Variants in RRP12 observed in about 807,000 individuals in gnomAD.
RRP12 encodes RRP12-like protein.
Under a neutral mutation model 157.3 loss-of-function variants are expected in RRP12, and 78 were observed. That is an observed-to-expected ratio of 0.50 (90% CI 0.41 to 0.60). The LOEUF (loss-of-function observed/expected upper bound fraction) is 0.60. Ranked by LOEUF, RRP12 falls within the 20% of genes least tolerant of loss-of-function variation. The pLI is 0.00. For missense variants in RRP12, 1,521 were observed against 1,679.9 expected, an observed-to-expected ratio of 0.91 and a Z score of 1.65; for synonymous variants, 726 against 670.9, an observed-to-expected ratio of 1.08 and a Z score of -1.27.
At chr10:97,363,970 C>T in intron 29 of RRP12, 67 bp from the exon 30 acceptor site, 1 of 1,462,300 alleles carries the variant, frequency 6.8e-7, no homozygotes, top group East Asian at 2.3e-5. Flanking sequence ...TTTCCTTCTG[C>T]CCCCTCCTGG....
In RRP12 at chr10:97,400,297, G is replaced by A. The variant is rs1845103521; in HGVS notation, c.369+8C>T. The A allele has an allele frequency of 6.2e-7, 1 of 1,609,948 alleles. No individual in the cohort carries two copies. Among genetic ancestry groups the A allele is most frequent in the East Asian group, 2.2e-5 (1 of 44,848 alleles). On this transcript the variant is annotated splice_region_variant and intron_variant, in intron 2 of 33. Transcript: ENST00000370992. ...CTATCCTATGGCCCTCCCGACCCTC[G>A]CCCCTACCTCCTTGTGGGCAGCCGA...
rs1564746176 is a variant in RRP12, at chr10:97,358,637, CAG to C, written c.3709-20_3709-19del. On this transcript the variant is annotated intron_variant, in intron 32 of 33. Coordinates refer to ENST00000370992, the MANE Select transcript of RRP12 (RefSeq NM_015179.4). ...TTTGCTTTCTGCTTGCCCAGAGAAA[CAG>C]AGTCAGCTAGGAGGGTGGGGTTCCC... 6.2e-7 allele frequency: 1 copy of C among 1,600,834 alleles called. No individual in the cohort carries two copies. The highest frequency in any genetic ancestry group is 8.6e-7 in the Non-Finnish European group (1 of 1,168,328).
At chr10:97,361,496 C>T (rs553247846) in intron 30 of RRP12, among the ~76,000 whole-genome samples, 226 of 152,300 alleles carry the variant, frequency 1.5e-3, no homozygotes, top group Non-Finnish European at 2.8e-3. Flanking sequence ...TCCAGCTACC[C>T]AGGGGATCCA....
Position 97,356,814 on chromosome 10 carries a change from G to C in RRP12, c.*280C>G, listed in dbSNP as rs572801534. 2.2e-5 allele frequency: 8 copies of C among 361,152 alleles called. No individual in the cohort carries two copies. Among genetic ancestry groups the C allele is most frequent in the Non-Finnish European group, 4.0e-5 (8 of 201,576 alleles). The allele number at this position is 361,152 out of a possible 1,614,324, so 22.4% of individuals were successfully genotyped here. ...GCGGAAATGGAGATCATCTGTTCTGGTGCTCATGGCCACTCTGGGCAGAAA... is the reference window on the plus strand; with the variant it reads ...GCGGAAATGGAGATCATCTGTTCTGCTGCTCATGGCCACTCTGGGCAGAAA... On this transcript the variant is annotated 3_prime_UTR_variant, in exon 34 of 34. Coordinates refer to ENST00000370992, the MANE Select transcript of RRP12 (RefSeq NM_015179.4).
At chr10:97,387,050 C>T (rs1272821906) in intron 8 of RRP12, among the ~76,000 whole-genome samples, 1 of 151,826 alleles carries the variant, frequency 6.6e-6, no homozygotes, top group Non-Finnish European at 1.5e-5. Flanking sequence ...GGGATTGGTT[C>T]CAGGACCCCC....
intron 10 of RRP12, 147 bp downstream of exon 10, chr10:97,385,019 G>C (rs1221384545): frequency 2.7e-5 from 11 of 414,178 alleles, no homozygotes; most frequent in Non-Finnish European, 4.5e-5. Context: ...TGGCAGCCTG[G>C]ACACAGGCCC....
At chr10:97,371,268 T>G (rs1589419403) in intron 20 of RRP12, 187 bp from the exon 21 acceptor site, 4 of 642,674 alleles carry the variant, frequency 6.2e-6, no homozygotes, top group Non-Finnish European at 1.1e-5. Flanking sequence ...GGGTTGGGGG[T>G]GTGTGCCGTG....
At chr10:97,377,446 T>A (rs1844340520) in intron 15 of RRP12, among the ~76,000 whole-genome samples, 1 of 152,088 alleles carries the variant, frequency 6.6e-6, no homozygotes. Context: ...GGAGAATCGC[T>A]TGAATCTGGG....
At chr10:97,369,224 G>A (rs1457877686) in intron 25 of RRP12, among the ~76,000 whole-genome samples, 1 of 152,224 alleles carries the variant, frequency 6.6e-6, no homozygotes, top group Non-Finnish European at 1.5e-5. Flanking sequence ...GGGCTCTGGG[G>A]TGAAGAAAGC....
chr10:97,357,320 G>A lies in RRP12; in HGVS notation c.3792-124C>T, dbSNP rs1029524333. The A allele has an allele frequency of 1.3e-5, 8 of 616,348 alleles. No homozygotes were observed. In the African/African-American group the frequency reaches 1.5e-4, roughly 12 times the overall value. The allele number at this position is 616,348 out of a possible 1,614,324, so 38.2% of individuals were successfully genotyped here. A position where few individuals can be genotyped will look rare whatever the true frequency, so the allele number is the denominator to read the frequency against. On this transcript the variant is annotated intron_variant, in intron 33 of 33. Coordinates refer to ENST00000370992, the MANE Select transcript of RRP12 (RefSeq NM_015179.4). ...GAAGGGGGCCTCCAGGTGGTGGCCAGCACATGAACTAGGCAGACCTCACGT... is the reference window on the plus strand; with the variant it reads ...GAAGGGGGCCTCCAGGTGGTGGCCAACACATGAACTAGGCAGACCTCACGT...
chr10:97,372,984 T>G, intron 18 of RRP12, 62 bp downstream of exon 18: 1 of 1,531,038 alleles, frequency 6.5e-7, no homozygotes, highest in African/African-American at 1.4e-5. Context: ...GGTCTCGGCC[T>G]CTCTGACCCT....
chr10:97,369,691 A>G (rs1844088735), intron 24 of RRP12, 109 bp from the exon 25 acceptor site: 2 of 1,202,162 alleles, frequency 1.7e-6, no homozygotes, highest in Admixed American at 4.4e-5. Context: ...TGACATTGAG[A>G]GCCTTTCCGT....
intron 4 of RRP12, among the ~76,000 whole-genome samples, chr10:97,392,723 C>G (rs1328047414): frequency 6.7e-6 from 1 of 149,490 alleles, no homozygotes; most frequent in Non-Finnish European, 1.5e-5. Context: ...CGGAGTCTTG[C>G]ACTGTTGACA....
At chr10:97,395,229 T>C (rs555050009) in intron 3 of RRP12, among the ~76,000 whole-genome samples, 7,571 of 134,368 alleles carry the variant, frequency 0.056, 569 homozygotes, top group African/African-American at 0.19. Context: ...CACACATACA[T>C]ACATACACAA....
At chr10:97,386,071 G>T in intron 8 of RRP12, 78 bp from the exon 9 acceptor site, 1 of 936,226 alleles carries the variant, frequency 1.1e-6, no homozygotes, top group Non-Finnish European at 1.7e-6. Flanking sequence ...CCACCTGTGT[G>T]CTAGGGAGTT....
Position 97,388,270 on chromosome 10 carries a change from G to A in RRP12, c.999C>T (p.Val333=). ...AGCTCACCACATGGCTCAAGGTCAT[G>A]ACCCTGAGGAGAGTCTCACTGCAGC... ...VKSCSETLLR[V]MTLSHVLVTA... is the part of the protein sequence containing the mutation. The change falls in exon 8 of 34, where the codon GTC becomes GTT. Residue 333 remains valine (V), a synonymous_variant. Coordinates refer to ENST00000370992, the MANE Select transcript of RRP12 (RefSeq NM_015179.4). 6.2e-7 allele frequency: 1 copy of A among 1,614,050 alleles called. No homozygotes were observed. Among genetic ancestry groups the A allele is most frequent in the Non-Finnish European group, 8.5e-7 (1 of 1,180,038 alleles).
At position 97,357,089 on chromosome 10, in the gene RRP12, G is replaced by C; in HGVS notation, c.*5C>G. The C allele has an allele frequency of 6.3e-7, 1 of 1,597,104 alleles. No homozygotes were observed. The highest frequency in any genetic ancestry group is 8.6e-7 in the Non-Finnish European group (1 of 1,165,240). Reference sequence around the variant, plus strand: ...GACCACAGGGCAGCCCAGGGGCCCTGGGCCTCAGGGTCGACGATCCTTTCT... The same window carrying C: ...GACCACAGGGCAGCCCAGGGGCCCTCGGCCTCAGGGTCGACGATCCTTTCT... On this transcript the variant is annotated 3_prime_UTR_variant, in exon 34 of 34. Transcript: ENST00000370992.
In RRP12 at chr10:97,381,734, G is replaced by A; in HGVS notation, c.1301C>T (p.Ala434Val). ...CAGTACCTTGAGGCTCTGCGTAGCA[G>A]CAGTCAGCACTTGCGAGTGTGGGGA... ...LLSPHSQVLT[A>V]ATQSLKEILK... Residue 434 changes from alanine to valine, a missense_variant, in exon 11 of 34, where the codon GCT becomes GTT. By Grantham distance (64) the Ala-to-Val change is moderately conservative (BLOSUM62 0). Coordinates refer to ENST00000370992, the MANE Select transcript of RRP12 (RefSeq NM_015179.4). 5 of 1,613,984 alleles carry A rather than the reference G, an allele frequency of 3.1e-6. No individual in the cohort carries two copies. Among genetic ancestry groups the A allele is most frequent in the Non-Finnish European group, 4.2e-6 (5 of 1,179,806 alleles).
chr10:97,380,287 C>G (rs1168417209), intron 13 of RRP12, among the ~76,000 whole-genome samples: 1 of 152,156 alleles, frequency 6.6e-6, no homozygotes, highest in East Asian at 1.9e-4. Context: ...GAGGAAGGCC[C>G]CACGAGGCCA....
Sources: allele counts gnomAD v4.1 joint callset (sites outside exome capture counted in the v4.1 genomes callset), GRCh38; gene constraint gnomAD v4.1.1; transcripts MANE v1.5; gene names NCBI Gene and HGNC (gene_info 2026-07-23, HGNC 2026-07-21).